DLD: variants seen among roughly 807,000 people sequenced by gnomAD.
DLD encodes the protein dihydrolipoyl dehydrogenase, mitochondrial.
In DLD, 36 loss-of-function variants were observed where a neutral mutation model predicts 62.2. The observed-to-expected ratio is 0.58, with a 90% CI of 0.44 to 0.76. The LOEUF (loss-of-function observed/expected upper bound fraction) is 0.76. Ranked by LOEUF, DLD falls within the 30% of genes least tolerant of loss-of-function variation. The probability of loss-of-function intolerance (pLI) is 0.00; values close to 1 mark genes in which losing one functional copy is unlikely to be tolerated. For missense variants in DLD, 541 were observed against 608.6 expected (o/e 0.89, Z 1.17); for synonymous variants, 204 against 199.6 (o/e 1.02, Z -0.19).
chr7:107,894,760 G>T (rs188257187), intron 2 of DLD, among the ~76,000 whole-genome samples: 1 of 152,312 alleles, frequency 6.6e-6, no homozygotes, highest in African/African-American at 2.4e-5. Context: ...AATCAGTTTG[G>T]TGATCCCTTG....
rs368876894 is a variant in DLD, at chr7:107,919,156, A to G, written c.1465-38A>G. The G allele has an allele frequency of 4.1e-5, 66 of 1,612,502 alleles. No homozygotes were observed. In the African/African-American group the frequency reaches 8.0e-4, roughly 20 times the overall value. ...TGCCTAAATTTTCTTCTGACCCACA[A>G]ATATTTGGATTTTAATTTTAAATTT... On this transcript the variant is annotated intron_variant, in intron 13 of 13. Coordinates refer to ENST00000205402, the MANE Select transcript of DLD (RefSeq NM_000108.5).
At chr7:107,907,680 C>G (rs1349161532) in intron 8 of DLD, among the ~76,000 whole-genome samples, 1 of 152,142 alleles carries the variant, frequency 6.6e-6, no homozygotes, top group African/African-American at 2.4e-5. Flanking sequence ...TTGTATTTTT[C>G]AGTCTTCAAA....
Position 107,906,343 on chromosome 7 carries a change from G to A in DLD, c.659G>A (p.Gly220Asp). The change falls in exon 8 of 14, where the codon GGT (glycine) becomes GAT (aspartate). Residue 220 changes from glycine to aspartate, a missense_variant. Transcript: ENST00000205402. Reference sequence around the variant, plus strand: ...GTTCCAGAAAAGATGGTTGTTATTGGTGCAGGAGTAATAGGTGTAGAATTG... The same window carrying A: ...GTTCCAGAAAAGATGGTTGTTATTGATGCAGGAGTAATAGGTGTAGAATTG... ...KKVPEKMVVI[G>D]AGVIGVELGS... 6.2e-7 allele frequency: 1 copy of A among 1,610,604 alleles called. No individual in the cohort carries two copies. The highest frequency in any genetic ancestry group is 1.1e-5 in the South Asian group (1 of 90,994).
chr7:107,905,123 T>G, intron 6 of DLD, 65 bp downstream of exon 6: 1 of 1,206,470 alleles, frequency 8.3e-7, no homozygotes, highest in Non-Finnish European at 1.2e-6. Context: ...CATTATAGAG[T>G]GATGATATTT....
intron 1 of DLD, among the ~76,000 whole-genome samples, chr7:107,892,593 T>A (rs1265094568): frequency 6.6e-6 from 1 of 152,172 alleles, no homozygotes; most frequent in African/African-American, 2.4e-5. Flanking sequence ...ACATCCAGGC[T>A]AGAGTGCAAT....
At chr7:107,895,444 G>A (rs975517377) in intron 2 of DLD, among the ~76,000 whole-genome samples, 5 of 152,158 alleles carry the variant, frequency 3.3e-5, no homozygotes, top group Admixed American at 6.6e-5. Flanking sequence ...TTGATGTGAC[G>A]TTTTATTTCA....
At chr7:107,898,819 C>G (rs1399729616) in intron 2 of DLD, among the ~76,000 whole-genome samples, 1 of 152,018 alleles carries the variant, frequency 6.6e-6, no homozygotes, top group Non-Finnish European at 1.5e-5. Flanking sequence ...CGTGATCCGC[C>G]TGCCTCGGCC....
intron 11 of DLD, among the ~76,000 whole-genome samples, 172 bp from the exon 12 acceptor site, chr7:107,917,752 G>A (rs2032305964): frequency 6.6e-6 from 1 of 152,124 alleles, no homozygotes; most frequent in Non-Finnish European, 1.5e-5. Flanking sequence ...GCTTGTATTC[G>A]TGCCTGAGAT....
chr7:107,896,911 A>T (rs761481988), intron 2 of DLD, among the ~76,000 whole-genome samples: 2 of 151,112 alleles, frequency 1.3e-5, no homozygotes. Flanking sequence ...ATCTTGGCTC[A>T]CTGCAACTCC....
intron 8 of DLD, 75 bp from the exon 9 acceptor site, chr7:107,915,431 A>G (rs2032242779): frequency 6.7e-7 from 1 of 1,495,158 alleles, no homozygotes; most frequent in Non-Finnish European, 9.3e-7. Flanking sequence ...TTTTACAATA[A>G]ATTATTAAGA....
Position 107,919,072 on chromosome 7 carries a change from T to C in DLD, c.1437T>C (p.Asp479=). ...TGGAATATGGAGCATCCTGTGAAGA[T>C]ATAGCTAGAGTCTGTCATGCACATC... ...LALEYGASCE[D]IARVCHAHPT... The change falls in exon 13 of 14, where the codon GAT becomes GAC. Residue 479 remains aspartate (D), a synonymous_variant. Transcript: ENST00000205402. 1 of 1,613,958 alleles carries C rather than the reference T, an allele frequency of 6.2e-7. No homozygotes were observed. Among genetic ancestry groups the C allele is most frequent in the Non-Finnish European group, 8.5e-7 (1 of 1,179,852 alleles).
rs121964993 is a variant in DLD at position 107,917,307 on chromosome 7, A to G, written c.1081A>G (p.Met361Val). 23 of 1,614,150 alleles carry G rather than the reference A, an allele frequency of 1.4e-5. No homozygotes were observed. The highest frequency in any genetic ancestry group is 1.7e-5 in the Admixed American group (1 of 60,014). ...CATTGGTGATGTAGTTGCTGGTCCAATGCTGGCTCACAAAGCAGAGGATGA... is the reference window on the plus strand; with the variant it reads ...CATTGGTGATGTAGTTGCTGGTCCAGTGCTGGCTCACAAAGCAGAGGATGA... The part of the protein sequence containing the change: ...YAIGDVVAGP[M>V]LAHKAEDEGI... Residue 361 changes from methionine to valine, a missense_variant, in exon 11 of 14, where the codon ATG becomes GTG. By Grantham distance (21) the Met-to-Val change is conservative. Coordinates refer to ENST00000205402, the MANE Select transcript of DLD (RefSeq NM_000108.5).
At chr7:107,917,798 C>G in intron 11 of DLD, 126 bp from the exon 12 acceptor site, 1 of 1,241,582 alleles carries the variant, frequency 8.1e-7, no homozygotes, top group Non-Finnish European at 1.2e-6. Flanking sequence ...CTTTCCTTTC[C>G]TTCTATGTGC....
At chr7:107,913,659 G>A (rs1661987754) in intron 8 of DLD, among the ~76,000 whole-genome samples, 1 of 151,978 alleles carries the variant, frequency 6.6e-6, no homozygotes, top group African/African-American at 2.4e-5. Context: ...CTAAATATAA[G>A]ATCATGTAGT....
chr7:107,909,287 CT>C (rs1226272540), intron 8 of DLD, among the ~76,000 whole-genome samples: 2 of 152,148 alleles, frequency 1.3e-5, no homozygotes, highest in African/African-American at 4.8e-5. Flanking sequence ...TACTTAACTG[CT>C]TTTACTTTTC....
intron 8 of DLD, among the ~76,000 whole-genome samples, chr7:107,909,052 T>C (rs914043625): frequency 2.6e-5 from 4 of 152,234 alleles, no homozygotes; most frequent in Non-Finnish European, 5.9e-5. Context: ...TCTTTTGATA[T>C]GCATAGTATA....
At chr7:107,913,217 GC>G (rs2032186233) in intron 8 of DLD, among the ~76,000 whole-genome samples, 1 of 152,158 alleles carries the variant, frequency 6.6e-6, no homozygotes, top group African/African-American at 2.4e-5. Flanking sequence ...AAATTTTGAA[GC>G]CGGTTAATAT....
chr7:107,898,782 C>G (rs181162198), intron 2 of DLD, among the ~76,000 whole-genome samples: 1 of 150,770 alleles, frequency 6.6e-6, no homozygotes, highest in African/African-American at 2.4e-5. Flanking sequence ...TTAGTAGAGA[C>G]GGGGTTTGGT....
intron 2 of DLD, among the ~76,000 whole-genome samples, chr7:107,895,443 C>T (rs780637306): frequency 3.0e-4 from 45 of 152,298 alleles, no homozygotes; most frequent in Non-Finnish European, 4.7e-4. Flanking sequence ...GTTGATGTGA[C>T]GTTTTATTTC....
Sources: gnomAD v4.1 joint callset for allele counts (sites outside exome capture counted in the v4.1 genomes callset) on GRCh38, gnomAD v4.1.1 for gene constraint, MANE v1.5 for transcripts, NCBI Gene and HGNC (gene_info 2026-07-23, HGNC 2026-07-21) for gene names.